Variants in ATP6V1G3 observed in about 807,000 individuals in gnomAD.
The protein encoded by ATP6V1G3 is V-type proton ATPase subunit G 3.
A neutral mutation model predicts 9.3 loss-of-function variants in ATP6V1G3; 9 were observed. The ratio of observed to expected loss-of-function variants is 0.97; its 90% CI spans 0.59 to 1.69. The LOEUF (loss-of-function observed/expected upper bound fraction) is 1.69, where lower values mean the gene tolerates loss of function less well. Ranked by LOEUF, ATP6V1G3 falls within the 40% of genes most tolerant of loss-of-function variation. The pLI, the probability that ATP6V1G3 is intolerant of heterozygous loss-of-function variation, is 0.00. For missense variants in ATP6V1G3, 133 were observed against 139.0 expected (o/e 0.96, Z 0.22); for synonymous variants, 43 against 43.8 (o/e 0.98, Z 0.07).
chr1:198,539,766 T>C (rs1660271339), intron 1 of ATP6V1G3, among the ~76,000 whole-genome samples: 1 of 152,238 alleles, frequency 6.6e-6, no homozygotes, highest in African/African-American at 2.4e-5. Context: ...ATATTTTCTA[T>C]TTTTAAAATA....
At chr1:198,527,098 A>G (rs1659684196) in intron 2 of ATP6V1G3, among the ~76,000 whole-genome samples, 1 of 152,200 alleles carries the variant, frequency 6.6e-6, no homozygotes, top group Non-Finnish European at 1.5e-5. Flanking sequence ...ATCAAGATAC[A>G]ACACCCACGG....
intron 1 of ATP6V1G3, among the ~76,000 whole-genome samples, chr1:198,534,642 G>A (rs756887726): frequency 1.4e-4 from 22 of 152,168 alleles, no homozygotes; most frequent in Non-Finnish European, 3.1e-4. Flanking sequence ...GGTGAAAATA[G>A]TAGGTATTGA....
intron 2 of ATP6V1G3, among the ~76,000 whole-genome samples, chr1:198,526,632 GT>G (rs1659665085): frequency 1.3e-5 from 2 of 152,176 alleles, no homozygotes; most frequent in South Asian, 4.1e-4. Context: ...CATTCAATAT[GT>G]TTTTTTACAA....
chr1:198,538,504 A>T lies in ATP6V1G3; in HGVS notation c.82+2065T>A, dbSNP rs140965628. Among the ~76,000 whole-genome samples, 913 of 152,320 alleles carry T rather than the reference A, an allele frequency of 6.0e-3. 24 individuals carry two copies. The highest frequency in any genetic ancestry group is 0.038 in the Admixed American group (587 of 15,280). On this transcript the variant is annotated intron_variant, in intron 1 of 2. Coordinates refer to ENST00000367382, the MANE Select transcript of ATP6V1G3 (RefSeq NM_001376861.1). Reference sequence around the variant, plus strand: ...CAATAATATTGATTAATCTATACTCAATATTTCATTTTGTATCCTCCATAA... The same window carrying T: ...CAATAATATTGATTAATCTATACTCTATATTTCATTTTGTATCCTCCATAA...
At chr1:198,540,770 T>C, upstream of ATP6V1G3, 1 of 1,054,106 alleles carries the variant, frequency 9.5e-7, no homozygotes. Context: ...CAAATGCAGC[T>C]GTTTCAAACT....
intron 1 of ATP6V1G3, among the ~76,000 whole-genome samples, chr1:198,536,215 C>T (rs1425183779): frequency 6.6e-6 from 1 of 151,994 alleles, no homozygotes; most frequent in Admixed American, 6.6e-5. Context: ...AATGTTAATG[C>T]AGAGCTATAG....
chr1:198,525,342 G>A (rs976636296), intron 2 of ATP6V1G3, among the ~76,000 whole-genome samples: 1 of 152,140 alleles, frequency 6.6e-6, no homozygotes, highest in Non-Finnish European at 1.5e-5. Context: ...CTTTGGAACA[G>A]CATTAAAAAT....
In ATP6V1G3 at chr1:198,529,195, A is replaced by ATAT; in HGVS notation, c.83-15_83-14insATA. The ATAT allele has an allele frequency of 2.1e-6, 1 of 466,004 alleles. No homozygotes were observed. The highest frequency in any genetic ancestry group is 3.3e-6 in the Non-Finnish European group (1 of 302,452). The allele number at this position is 466,004 out of a possible 1,614,324, so 28.9% of individuals were successfully genotyped here. On this transcript the variant is annotated splice_polypyrimidine_tract_variant and intron_variant, in intron 1 of 2. Transcript: ENST00000367382. ...GCTTTCCTTTTCCTGAAAATTAACA[A>ATAT]ATATATATATATATATATATAATTA...
intron 1 of ATP6V1G3, among the ~76,000 whole-genome samples, chr1:198,537,008 A>G (rs767137751): frequency 6.6e-6 from 1 of 152,134 alleles, no homozygotes; most frequent in African/African-American, 2.4e-5. Flanking sequence ...GTAGGTTTTC[A>G]ACTCAAGCCA....
At chr1:198,531,731 A>G (rs1185031583) in intron 1 of ATP6V1G3, among the ~76,000 whole-genome samples, 1 of 152,124 alleles carries the variant, frequency 6.6e-6, no homozygotes, top group East Asian at 1.9e-4. Flanking sequence ...CATCTAAGGC[A>G]ATCAGAATCA....
rs1339616458 is a variant in ATP6V1G3, at chr1:198,529,250, T to G, written c.83-69A>C. On this transcript the variant is annotated intron_variant, in intron 1 of 2. Transcript: ENST00000367382. ...TATCAATATATAAATATTTATTATA[T>G]ATATCTCAACAAGGATATATATATT... 8.4e-6 allele frequency: 3 copies of G among 358,218 alleles called. No individual in the cohort carries two copies. The East Asian group carries it at 2.2e-4, about 27-fold the overall frequency. The allele number at this position is 358,218 out of a possible 1,614,324, so 22.2% of individuals were successfully genotyped here.
At chr1:198,538,863 A>G (rs1018215867) in intron 1 of ATP6V1G3, among the ~76,000 whole-genome samples, 1 of 149,394 alleles carries the variant, frequency 6.7e-6, no homozygotes, top group South Asian at 2.1e-4. Context: ...TCTGCATTTC[A>G]GCCTGGGAAC....
At chr1:198,529,830 C>T (rs1217043563) in intron 1 of ATP6V1G3, among the ~76,000 whole-genome samples, 2 of 151,332 alleles carry the variant, frequency 1.3e-5, no homozygotes, top group Non-Finnish European at 2.9e-5. Context: ...GGCTATAAAA[C>T]CAATTGTTTT....
chr1:198,537,123 T>C (rs1445939391), intron 1 of ATP6V1G3, among the ~76,000 whole-genome samples: 1 of 152,142 alleles, frequency 6.6e-6, no homozygotes, highest in East Asian at 1.9e-4. Context: ...GGTGGATGTC[T>C]TGAGAGCAGA....
In ATP6V1G3 at chr1:198,532,176, A is replaced by C. The variant is rs547703228; in HGVS notation, c.83-2995T>G. Among the ~76,000 whole-genome samples, 3 of 152,278 alleles carry C rather than the reference A, an allele frequency of 2.0e-5. 1 individual carries two copies. In the South Asian group the frequency reaches 6.2e-4, roughly 32 times the overall value. On this transcript the variant is annotated intron_variant, in intron 1 of 2. Transcript: ENST00000367382. ...AGTCATTGGGGCCTGTATATATGCT[A>C]GTTATAGCAATGGGATTTAGACAGA...
intron 1 of ATP6V1G3, among the ~76,000 whole-genome samples, chr1:198,530,054 A>G (rs2103135090): frequency 6.6e-6 from 1 of 152,266 alleles, no homozygotes; most frequent in African/African-American, 2.4e-5. Context: ...TCCACCCACC[A>G]CCTTGGGGCT....
chr1:198,537,923 C>T (rs1468110016), intron 1 of ATP6V1G3, among the ~76,000 whole-genome samples: 1 of 152,162 alleles, frequency 6.6e-6, no homozygotes, highest in Non-Finnish European at 1.5e-5. Flanking sequence ...TGCCATAGAT[C>T]GCTTATGTGA....
chr1:198,529,013 A>G (rs1178969024), intron 2 of ATP6V1G3, 68 bp downstream of exon 2: 6 of 722,584 alleles, frequency 8.3e-6, no homozygotes, highest in Admixed American at 2.2e-5. Flanking sequence ...AATATCCTAT[A>G]TTAAACCTTA....
Position 198,529,151 on chromosome 1 carries a change from T to C in ATP6V1G3, c.113A>G (p.Glu38Gly). 1.4e-6 allele frequency: 2 copies of C among 1,437,340 alleles called. No individual in the cohort carries two copies. The highest frequency in any genetic ancestry group is 9.2e-7 in the Non-Finnish European group (1 of 1,085,484). The allele number at this position is 1,437,340 out of a possible 1,614,324, so 89.0% of individuals were successfully genotyped here. ...CTGGTCAATTTCTACCATTGCTTCC[T>C]CCTTGGCTTGCTTCAATCGCTTTCC... ...RKGKRLKQAK[E>G]EAMVEIDQYR... The change falls in exon 2 of 3, where the codon GAG (glutamate) becomes GGG (glycine). Residue 38 changes from glutamate to glycine, a missense_variant. By Grantham distance (98) the Glu-to-Gly change is moderately conservative. Transcript: ENST00000367382.
Sources: gnomAD v4.1 joint callset for allele counts (sites outside exome capture counted in the v4.1 genomes callset) on GRCh38, gnomAD v4.1.1 for gene constraint, MANE v1.5 for transcripts, NCBI Gene and HGNC (gene_info 2026-07-23, HGNC 2026-07-21) for gene names.